Variants in CCSER1 observed in about 807,000 individuals in gnomAD.
CCSER1 encodes the protein coiled-coil serine rich protein 1.
CCSER1 carries 41 observed loss-of-function variants against 82.0 expected under a neutral mutation model. The observed-to-expected ratio is 0.50, with a 90% CI of 0.39 to 0.65. The LOEUF (loss-of-function observed/expected upper bound fraction) is 0.65. CCSER1 is among the 30% of genes least tolerant of loss of function. CCSER1 has a pLI of 0.00. For synonymous variants in CCSER1, 414 were observed against 383.9 expected (o/e 1.08, Z -0.92); for missense variants, 1,119 against 1,064.2 (o/e 1.05, Z -0.72).
intron 8 of CCSER1, among the ~76,000 whole-genome samples, chr4:90,913,323 A>T (rs1200593064): frequency 1.3e-5 from 2 of 152,180 alleles, no homozygotes; most frequent in South Asian, 2.1e-4. Context: ...CAGAAGAGAG[A>T]GGGGGCCAAT....
chr4:90,473,686 G>A (rs1260072394), intron 5 of CCSER1, among the ~76,000 whole-genome samples: 1 of 152,112 alleles, frequency 6.6e-6, no homozygotes, highest in East Asian at 1.9e-4. Context: ...AATAGTATAT[G>A]TTAGATTTGG....
chr4:91,079,179 G>T (rs1260034017), intron 9 of CCSER1, among the ~76,000 whole-genome samples: 1 of 151,588 alleles, frequency 6.6e-6, no homozygotes, highest in Non-Finnish European at 1.5e-5. Context: ...AGCCAGACAG[G>T]TCAGGTTACC....
intron 9 of CCSER1, among the ~76,000 whole-genome samples, chr4:91,036,721 GA>G (rs1400129702): frequency 2.0e-5 from 3 of 152,000 alleles, no homozygotes; most frequent in Non-Finnish European, 4.4e-5. Context: ...TCTTAGAATG[GA>G]AATAAAAAAT....
At chr4:90,365,539 G>A (rs1746138813) in intron 3 of CCSER1, among the ~76,000 whole-genome samples, 1 of 151,794 alleles carries the variant, frequency 6.6e-6, no homozygotes, top group Non-Finnish European at 1.5e-5. Flanking sequence ...TAAAATTCAT[G>A]TGTGCCTGTC....
At chr4:91,544,623 A>G (rs1761786167) in intron 10 of CCSER1, among the ~76,000 whole-genome samples, 2 of 152,192 alleles carry the variant, frequency 1.3e-5, no homozygotes, top group Admixed American at 1.3e-4. Flanking sequence ...GCTGCAGAAC[A>G]GCAAATATTG....
In CCSER1 at chr4:91,495,724, G is replaced by A. The variant is rs1010506873; in HGVS notation, c.2218-102848G>A. Among the ~76,000 whole-genome samples, 4 of 151,422 alleles carry A rather than the reference G, an allele frequency of 2.6e-5. No homozygotes were observed. In the South Asian group the frequency reaches 6.2e-4, roughly 23 times the overall value. ...TGTCTGATTTTGTGTCAGGATGAACGAAATGTAAATAATAAAGTAAGATAT... is the reference window on the plus strand; with the variant it reads ...TGTCTGATTTTGTGTCAGGATGAACAAAATGTAAATAATAAAGTAAGATAT... On this transcript the variant is annotated intron_variant, in intron 10 of 10. Coordinates refer to ENST00000509176, the MANE Select transcript of CCSER1 (RefSeq NM_001145065.2).
At chr4:90,286,968 A>C (rs1216896651) in intron 1 of CCSER1, among the ~76,000 whole-genome samples, 1 of 151,988 alleles carries the variant, frequency 6.6e-6, no homozygotes, top group Non-Finnish European at 1.5e-5. Context: ...AAGAAAAATA[A>C]TGTAGTGTGA....
chr4:90,798,589 T>G (rs913655777), intron 7 of CCSER1, among the ~76,000 whole-genome samples: 12 of 152,248 alleles, frequency 7.9e-5, no homozygotes, highest in African/African-American at 2.9e-4. Context: ...GCACTGATTC[T>G]ATTTCATCTT....
At chr4:90,214,981 T>G (rs1242546314) in intron 1 of CCSER1, among the ~76,000 whole-genome samples, 1 of 152,176 alleles carries the variant, frequency 6.6e-6, no homozygotes, top group East Asian at 1.9e-4. Context: ...TTTGACAGAT[T>G]TGTTATTAAG....
chr4:90,653,800 A>G (rs2078973612), intron 6 of CCSER1, among the ~76,000 whole-genome samples: 2 of 152,172 alleles, frequency 1.3e-5, no homozygotes, highest in Admixed American at 1.3e-4. Context: ...TTGTAGGATC[A>G]TGTATTTGTC....
intron 5 of CCSER1, among the ~76,000 whole-genome samples, chr4:90,490,284 AT>A (rs1767772493): frequency 6.6e-6 from 1 of 152,014 alleles, no homozygotes; most frequent in African/African-American, 2.4e-5. Flanking sequence ...GATGATGAGC[AT>A]TTTTTCATGT....
intron 9 of CCSER1, among the ~76,000 whole-genome samples, chr4:91,010,016 G>C (rs1277284030): frequency 6.6e-6 from 1 of 151,904 alleles, no homozygotes; most frequent in Non-Finnish European, 1.5e-5. Flanking sequence ...AAATTTTTAT[G>C]TTATATCTAG....
At chr4:90,144,801 A>G (rs1038220216) in intron 1 of CCSER1, among the ~76,000 whole-genome samples, 1 of 152,104 alleles carries the variant, frequency 6.6e-6, no homozygotes, top group Non-Finnish European at 1.5e-5. Flanking sequence ...ATTTTATTCT[A>G]ATGCTTAGGT....
intron 10 of CCSER1, among the ~76,000 whole-genome samples, chr4:91,168,833 G>A (rs1247050144): frequency 1.3e-5 from 2 of 152,174 alleles, no homozygotes; most frequent in African/African-American, 4.8e-5. Flanking sequence ...AGACATAGGA[G>A]ACTCCATTTT....
intron 10 of CCSER1, among the ~76,000 whole-genome samples, chr4:91,179,829 C>G (rs1733822202): frequency 6.6e-6 from 1 of 152,250 alleles, no homozygotes; most frequent in Non-Finnish European, 1.5e-5. Context: ...CATTCTCTGT[C>G]TAGCCTTGTT....
chr4:90,811,200 G>A (rs1435040577), intron 7 of CCSER1, among the ~76,000 whole-genome samples: 2 of 152,098 alleles, frequency 1.3e-5, no homozygotes, highest in African/African-American at 4.8e-5. Context: ...AGGATACAAC[G>A]GGTAGAAGGC....
At chr4:90,566,581 GT>G (rs1779406014) in intron 5 of CCSER1, among the ~76,000 whole-genome samples, 1 of 150,490 alleles carries the variant, frequency 6.6e-6, no homozygotes, top group African/African-American at 2.5e-5. Flanking sequence ...CATTTTGTTG[GT>G]GTAGAATTGT....
chr4:90,727,159 CA>C, intron 7 of CCSER1: 1 of 441,206 alleles, frequency 2.3e-6, no homozygotes, highest in Non-Finnish European at 4.5e-6. Context: ...TATTTGGAAA[CA>C]AAAGGCAAAT....
At chr4:90,799,982 A>T (rs1580529343) in intron 7 of CCSER1, among the ~76,000 whole-genome samples, 1 of 152,172 alleles carries the variant, frequency 6.6e-6, no homozygotes, top group East Asian at 1.9e-4. Context: ...TGCACGCTGG[A>T]CCCGTGCAGA....
Sources: allele counts gnomAD v4.1 joint callset (sites outside exome capture counted in the v4.1 genomes callset), GRCh38; gene constraint gnomAD v4.1.1; transcripts MANE v1.5; gene names NCBI Gene and HGNC (gene_info 2026-07-23, HGNC 2026-07-21).